The following MEIS2 variants were observed in gnomAD, a reference collection of about 807,000 sequenced individuals.
MEIS2 encodes Meis homeobox 2.
MEIS2 carries 9 observed loss-of-function variants against 58.6 expected under a neutral mutation model. The ratio of observed to expected loss-of-function variants is 0.15; its 90% confidence interval spans 0.09 to 0.27. MEIS2 has a LOEUF of 0.27. Among genes scored for constraint, MEIS2 ranks in the 10% least tolerant of loss-of-function variants. MEIS2 has a pLI of 1.00. For synonymous variants in MEIS2, 221 were observed against 228.4 expected (o/e 0.97, Z 0.29); for missense variants, 427 against 635.0 (o/e 0.67, Z 3.52).
intron 8 of MEIS2, among the ~76,000 whole-genome samples, chr15:36,959,652 A>G (rs1397879408): frequency 1.3e-5 from 2 of 152,188 alleles, no homozygotes; most frequent in Non-Finnish European, 1.5e-5. Flanking sequence ...ATCCACATCA[A>G]AATTGAAATA....
chr15:36,893,881 T>C (rs2056022596), intron 11 of MEIS2, among the ~76,000 whole-genome samples: 1 of 152,238 alleles, frequency 6.6e-6, no homozygotes, highest in Non-Finnish European at 1.5e-5. Flanking sequence ...TGTTGTTATA[T>C]TCAGCCTCAT....
chr15:37,099,462 G>T lies in MEIS2; in HGVS notation c.5C>A (p.Ala2Glu). 6.8e-6 allele frequency: 11 copies of T among 1,613,980 alleles called. No individual in the cohort carries two copies. Among genetic ancestry groups the T allele is most frequent in the Non-Finnish European group, 9.3e-6 (11 of 1,179,998 alleles). The change falls in exon 1 of 12, where the codon GCG becomes GAG. Residue 2 changes from alanine to glutamate, a missense_variant. Ala to Glu is a moderately radical substitution (Grantham distance 107). Around this residue, in one of 6 missense-constraint regions of MEIS2, gnomAD observed 103 missense variants for 111.8 expected, o/e 0.92. Transcript: ENST00000561208. Reference protein sequence around the residue: MAQRYDELPHYG... With the variant: MEQRYDELPHYG... The stretch of plus-strand genomic sequence containing the variant: ...TTGGAGATTTAAACCTACCCTTTGC[G>T]CCATCAGTCTGCGCTCCAATAAACT...
intron 9 of MEIS2, among the ~76,000 whole-genome samples, chr15:36,927,401 CGAAG>C (rs1303235446): frequency 6.6e-6 from 1 of 151,066 alleles, no homozygotes; most frequent in East Asian, 1.9e-4. Context: ...CAGAAGGAAA[CGAAG>C]GAAGGAAGGG....
intron 9 of MEIS2, among the ~76,000 whole-genome samples, chr15:36,948,653 A>C (rs1343943446): frequency 1.3e-5 from 2 of 152,038 alleles, no homozygotes; most frequent in African/African-American, 4.8e-5. Context: ...TCTGGTAATC[A>C]GTATGCTATA....
intron 8 of MEIS2, among the ~76,000 whole-genome samples, chr15:37,030,181 T>C (rs1162661647): frequency 6.6e-6 from 1 of 152,186 alleles, no homozygotes; most frequent in Non-Finnish European, 1.5e-5. Context: ...AACTACTCCA[T>C]AGCCCATTTC....
intron 9 of MEIS2, among the ~76,000 whole-genome samples, chr15:36,933,614 C>T (rs1237597832): frequency 2.8e-5 from 1 of 36,142 alleles, no homozygotes; most frequent in Non-Finnish European, 5.3e-5. Context: ...TGGGGGTGGG[C>T]GGGGGGCGGA....
chr15:37,036,663 G>GAAA, intron 8 of MEIS2, 151 bp downstream of exon 8: 3 of 746,202 alleles, frequency 4.0e-6, no homozygotes, highest in Non-Finnish European at 5.9e-6. Context: ...AATAGTTGAT[G>GAAA]AAAAAAAAAA....
At chr15:37,096,552 C>A (rs1278949281) in intron 2 of MEIS2, 122 bp from the exon 3 acceptor site, 2 of 1,215,646 alleles carry the variant, frequency 1.6e-6, no homozygotes, top group Non-Finnish European at 1.1e-6. Context: ...CAGGCACGCA[C>A]CACACTTTAC....
chr15:37,007,259 T>C (rs1298628697), intron 8 of MEIS2, among the ~76,000 whole-genome samples: 9 of 152,064 alleles, frequency 5.9e-5, no homozygotes. Flanking sequence ...CCAGGTATAT[T>C]AGAGCACAGC....
chr15:37,021,708 T>A (rs985278498), intron 8 of MEIS2, among the ~76,000 whole-genome samples: 5 of 152,214 alleles, frequency 3.3e-5, no homozygotes, highest in African/African-American at 1.2e-4. Flanking sequence ...CATGGTTCTT[T>A]ATTAAAATAA....
intron 9 of MEIS2, among the ~76,000 whole-genome samples, chr15:36,942,417 C>T (rs77951476): frequency 0.022 from 3,382 of 152,176 alleles, 59 homozygotes; most frequent in Middle Eastern, 0.071. Flanking sequence ...CTGAGTGTCG[C>T]GAATTGGGCG....
intron 7 of MEIS2, among the ~76,000 whole-genome samples, chr15:37,058,397 G>A (rs1888737363): frequency 6.6e-6 from 1 of 152,188 alleles, no homozygotes; most frequent in Admixed American, 6.5e-5. Context: ...TGATACTACA[G>A]TCAAAGCGAA....
At chr15:36,899,118 C>T (rs1451403825) in intron 9 of MEIS2, among the ~76,000 whole-genome samples, 1 of 152,208 alleles carries the variant, frequency 6.6e-6, no homozygotes, top group Admixed American at 6.5e-5. Flanking sequence ...TGTTCTCAAA[C>T]AATGTTTTTG....
chr15:37,041,464 T>C (rs897960091), intron 7 of MEIS2, among the ~76,000 whole-genome samples: 5 of 152,236 alleles, frequency 3.3e-5, no homozygotes, highest in African/African-American at 1.2e-4. Context: ...TTTACACCTA[T>C]GCTCTCAAGG....
chr15:36,912,928 T>C (rs2057107022), intron 9 of MEIS2, among the ~76,000 whole-genome samples: 1 of 152,060 alleles, frequency 6.6e-6, no homozygotes. Flanking sequence ...TCCCTCAGGC[T>C]GTGGAAGGGC....
chr15:36,892,282 C>T lies in MEIS2; in HGVS notation c.1325G>A (p.Gly442Glu). 6.2e-7 allele frequency: 1 copy of T among 1,613,886 alleles called. No individual in the cohort carries two copies. The change falls in exon 12 of 12, where the codon GGA becomes GAA. Residue 442 changes from glycine (G) to glutamate (E), a missense_variant. Physicochemically the swap from Gly to Glu is moderately conservative, Grantham distance 98. This residue lies in a region of MEIS2 where 154 missense variants were observed against 148.1 expected (regional missense o/e 1.04). Coordinates refer to ENST00000561208, the MANE Select transcript of MEIS2 (RefSeq NM_170675.5). The stretch of plus-strand genomic sequence containing the variant: ...CATTCCAGGGTGGGTAGGGGGTCCT[C>T]CGTGCATCATCATGGCTGGGTGGTG... Reference protein sequence around the residue: ...HPHHPAMMMHGGPPTHPGMTM... With the variant: ...HPHHPAMMMHEGPPTHPGMTM...
chr15:36,947,958 T>C (rs1268025430), intron 9 of MEIS2, among the ~76,000 whole-genome samples: 1 of 151,944 alleles, frequency 6.6e-6, no homozygotes, highest in Admixed American at 6.6e-5. Flanking sequence ...CACTTTCAAA[T>C]TTCTTTCTGA....
At chr15:37,091,143 T>C (rs1267581122) in intron 6 of MEIS2, among the ~76,000 whole-genome samples, 3 of 152,194 alleles carry the variant, frequency 2.0e-5, no homozygotes, top group Non-Finnish European at 4.4e-5. Flanking sequence ...ATTTTTACTT[T>C]GTGTTTGGCT....
chr15:36,986,360 G>T (rs2060092938), intron 8 of MEIS2, among the ~76,000 whole-genome samples: 1 of 152,182 alleles, frequency 6.6e-6, no homozygotes. Flanking sequence ...CTTTGCCCCA[G>T]GCTTCCTGTT....
Sources: gnomAD v4.1 joint callset for allele counts (sites outside exome capture counted in the v4.1 genomes callset) on GRCh38, gnomAD v4.1.1 for gene constraint, gnomAD v4.1.1 regional missense constraint, MANE v1.5 for transcripts, NCBI Gene and HGNC (gene_info 2026-07-23, HGNC 2026-07-21) for gene names.